Variants in FOXN3 observed in about 807,000 individuals in gnomAD.
The protein encoded by FOXN3 is forkhead box protein N3.
A neutral mutation model predicts 38.4 loss-of-function variants in FOXN3; 7 were observed. The ratio of observed to expected loss-of-function variants is 0.18; its 90% CI spans 0.10 to 0.34. FOXN3 has a LOEUF of 0.34. FOXN3 is among the 10% of genes least tolerant of loss of function. The probability of loss-of-function intolerance (pLI) is 1.00; values close to 1 mark genes in which losing one functional copy is unlikely to be tolerated. For missense variants in FOXN3, 456 were observed against 613.4 expected (o/e 0.74, Z 2.71); for synonymous variants, 230 against 242.2 (o/e 0.95, Z 0.47).
Position 89,164,077 on chromosome 14 carries a change from C to T in FOXN3, c.852-1108G>A, listed in dbSNP as rs74442262. On this transcript the variant is annotated intron_variant, in intron 5 of 5. Transcript: ENST00000557258. This position sits in a 1 kb window ranked among gnomAD's most constrained non-coding sequence, Gnocchi z 4.3. ...CCCCGTGGGTGTGGGGCTGAGGACA[C>T]GAATTAATGCCTGCAGGTGCCTGGA... 4.5e-3 allele frequency among the ~76,000 whole-genome samples: 685 copies of T among 152,304 alleles called. 8 individuals carry two copies. Among genetic ancestry groups the T allele is most frequent in the South Asian group, 0.035 (169 of 4,822 alleles).
At chr14:89,304,412 G>A (rs1420587174) in intron 3 of FOXN3, among the ~76,000 whole-genome samples, 1 of 152,166 alleles carries the variant, frequency 6.6e-6, no homozygotes, top group African/African-American at 2.4e-5. Context: ...AGAGATGTTT[G>A]TTGAGATGTG....
At chr14:89,607,152 T>C (rs554523026) in intron 1 of FOXN3, among the ~76,000 whole-genome samples, 2 of 152,246 alleles carry the variant, frequency 1.3e-5, no homozygotes, top group East Asian at 3.9e-4. Flanking sequence ...TGTTAACTGG[T>C]ACAGCCACTT....
At chr14:89,418,175 C>T (rs1206593655), upstream of FOXN3, among the ~76,000 whole-genome samples, 1 of 152,138 alleles carries the variant, frequency 6.6e-6, no homozygotes, top group East Asian at 1.9e-4. Flanking sequence ...CACATTACTC[C>T]CAGGTAGCCA....
At chr14:89,267,804 C>T (rs756537108) in intron 4 of FOXN3, among the ~76,000 whole-genome samples, 3 of 152,174 alleles carry the variant, frequency 2.0e-5, no homozygotes, top group East Asian at 1.9e-4. Context: ...TCAGAGTATG[C>T]GTGCGTGTTG....
In FOXN3 at chr14:89,544,424, T is replaced by C. The variant is rs77890973; in HGVS notation, c.-15+74604A>G. On this transcript the variant is annotated intron_variant, in intron 1 of 6. Coordinates refer to the FOXN3 transcript ENST00000345097. The stretch of plus-strand genomic sequence containing the variant: ...TCACAGGTCGTTGTAAACTTAAAAC[T>C]CTGGGCTAGAATTTAGCCACAATTA... 6.1e-3 allele frequency among the ~76,000 whole-genome samples: 934 copies of C among 152,126 alleles called. 13 individuals carry two copies. Among genetic ancestry groups the C allele is most frequent in the Middle Eastern group, 0.017 (5 of 294 alleles).
At chr14:89,304,032 A>T (rs543676422) in intron 3 of FOXN3, among the ~76,000 whole-genome samples, 1 of 152,322 alleles carries the variant, frequency 6.6e-6, no homozygotes, top group South Asian at 2.1e-4. Context: ...TTGATAGTTG[A>T]AGGCAGCCGT....
At chr14:89,232,066 A>C (rs1884829502) in intron 4 of FOXN3, among the ~76,000 whole-genome samples, 1 of 152,160 alleles carries the variant, frequency 6.6e-6, no homozygotes, top group Non-Finnish European at 1.5e-5. Context: ...TCCTAACCGA[A>C]ACTGGGCCAA....
chr14:89,432,415 G>C (rs867537525), intron 1 of FOXN3, among the ~76,000 whole-genome samples: 1 of 152,170 alleles, frequency 6.6e-6, no homozygotes, highest in Non-Finnish European at 1.5e-5. Flanking sequence ...CAATGACTGC[G>C]ATCCAAAGGA....
At chr14:89,415,439 G>A (rs1014995058) in intron 1 of FOXN3, among the ~76,000 whole-genome samples, 3 of 152,024 alleles carry the variant, frequency 2.0e-5, no homozygotes. Flanking sequence ...CGAAGAGAGG[G>A]TTATGGGAGT....
intron 1 of FOXN3, among the ~76,000 whole-genome samples, chr14:89,470,760 C>A (rs1252733404): frequency 6.6e-6 from 1 of 152,180 alleles, no homozygotes; most frequent in African/African-American, 2.4e-5. Flanking sequence ...GCACTCCGTC[C>A]CAAGCACGGA....
intron 2 of FOXN3, among the ~76,000 whole-genome samples, chr14:89,374,263 C>CAAAAAAAAAAAA (rs35623770): frequency 1.0e-4 from 5 of 48,176 alleles, no homozygotes; most frequent in African/African-American, 4.0e-4. Context: ...GACCTTGTCT[C>CAAAAAAAAAAAA]AAAAAAAAAA....
chr14:89,343,707 A>G (rs1888683977), intron 3 of FOXN3, among the ~76,000 whole-genome samples: 1 of 141,110 alleles, frequency 7.1e-6, no homozygotes, highest in South Asian at 2.5e-4. Context: ...AGAAGCTTAA[A>G]TGTCTGGAAT....
Position 89,569,821 on chromosome 14 carries a change from G to A in FOXN3, c.-15+49207C>T, listed in dbSNP as rs184492990. Among the ~76,000 whole-genome samples the A allele has an allele frequency of 1.5e-3, 228 of 152,248 alleles. 2 individuals carry two copies. The highest frequency in any genetic ancestry group is 5.4e-3 in the Admixed American group (82 of 15,292). ...CATACCTGATGGGGAGCCATCAGGT[G>A]TTGCTCTTGGCCATCACCCTGACTC... On this transcript the variant is annotated intron_variant, in intron 1 of 6. Coordinates refer to the FOXN3 transcript ENST00000345097.
Position 89,412,045 on chromosome 14 carries a change from G to A in FOXN3, c.432C>T (p.Ile144=), listed in dbSNP as rs774039336. The change falls in exon 2 of 6, where the codon ATC becomes ATT. Residue 144 remains isoleucine, a synonymous_variant. Transcript: ENST00000557258. The surrounding 1 kb of genome is among the most constrained non-coding windows in gnomAD (Gnocchi z 4.7). ...RLPVKDIYNW[I]LEHFPYFANA... ...TTGCAAAATACGGAAAATGTTCCAA[G>A]ATCCAGTTGTAGATATCCTTCACTG... is the stretch of plus-strand genomic sequence containing the variant. 2.5e-6 allele frequency: 4 copies of A among 1,613,290 alleles called. No individual in the cohort carries two copies. Among genetic ancestry groups the A allele is most frequent in the Non-Finnish European group, 3.4e-6 (4 of 1,179,704 alleles).
chr14:89,434,766 C>CA (rs1892239433), intron 1 of FOXN3, among the ~76,000 whole-genome samples: 1 of 152,132 alleles, frequency 6.6e-6, no homozygotes, highest in East Asian at 1.9e-4. Flanking sequence ...ACCACAAGGA[C>CA]AAAAATCTGA....
chr14:89,455,331 G>A (rs984600594), intron 1 of FOXN3, among the ~76,000 whole-genome samples: 44 of 152,222 alleles, frequency 2.9e-4, no homozygotes, highest in African/African-American at 1.0e-3. Context: ...AGTCAGCCAA[G>A]GGAAAACCGT....
In FOXN3 at chr14:89,258,326, CT is replaced by C. The variant is rs1480011738; in HGVS notation, c.745+22623del. 3.9e-5 allele frequency among the ~76,000 whole-genome samples: 6 copies of C among 152,300 alleles called. No homozygotes were observed. The East Asian group carries it at 1.2e-3, about 29-fold the overall frequency. ...GGAGAAAAGGAAAGGGGAAAGAAAG[CT>C]TCATAACCACAGATAGAGTGCCAAG... On this transcript the variant is annotated intron_variant, in intron 4 of 5. Coordinates refer to ENST00000557258, the MANE Select transcript of FOXN3 (RefSeq NM_005197.4).
At chr14:89,576,702 T>TTCTGTTCTGTTA (rs1895631011) in intron 1 of FOXN3, 1 of 152,182 alleles carries the variant, frequency 6.6e-6, no homozygotes, top group East Asian at 1.9e-4. Context: ...TCGGATCAGA[T>TTCTGTTCTGTTA]GTCTTCTGTT....
intron 3 of FOXN3, among the ~76,000 whole-genome samples, chr14:89,329,797 A>G (rs889405395): frequency 2.2e-5 from 3 of 138,036 alleles, no homozygotes; most frequent in African/African-American, 5.3e-5. Flanking sequence ...CGGAGCTTGC[A>G]GTGAGCCGAG....
Sources: allele counts gnomAD v4.1 joint callset (sites outside exome capture counted in the v4.1 genomes callset), GRCh38; gene constraint gnomAD v4.1.1; non-coding constraint Gnocchi (gnomAD v3.1); transcripts MANE v1.5; gene names NCBI Gene and HGNC (gene_info 2026-07-23, HGNC 2026-07-21).